Variants in ADAM29 observed in about 807,000 individuals in gnomAD.
ADAM29 encodes disintegrin and metalloproteinase domain-containing protein 29.
For missense variants in ADAM29, 969 were observed against 1,001.8 expected (o/e 0.97, Z 0.44); for synonymous variants, 367 against 342.3 (o/e 1.07, Z -0.80).
intron 4 of ADAM29, among the ~76,000 whole-genome samples, chr4:174,963,143 G>GA (rs989920333): frequency 1.3e-5 from 2 of 151,456 alleles, no homozygotes; most frequent in African/African-American, 2.4e-5. Context: ...ACATAATAAG[G>GA]AAAAAAAATA....
intron 4 of ADAM29, among the ~76,000 whole-genome samples, chr4:174,967,762 A>G (rs1316329813): frequency 3.3e-5 from 5 of 152,132 alleles, no homozygotes; most frequent in East Asian, 1.9e-4. Context: ...AACCGCTTGG[A>G]CTCATTTAAT....
chr4:174,976,028 A>C lies in ADAM29; in HGVS notation c.503A>C (p.Gln168Pro). 1.9e-6 allele frequency: 3 copies of C among 1,612,786 alleles called. No individual in the cohort carries two copies. Among genetic ancestry groups the C allele is most frequent in the Non-Finnish European group, 2.5e-6 (3 of 1,179,724 alleles). ...QFSTMRSGFM[Q>P]NEITCRMEFE... ...TCAACCATGAGATCCGGATTTATGCAAAATGAAATAACATGCCGAATGGAA... is the reference window on the plus strand; with the variant it reads ...TCAACCATGAGATCCGGATTTATGCCAAATGAAATAACATGCCGAATGGAA... Residue 168 changes from glutamine to proline, a missense_variant, in exon 5 of 5, where the codon CAA becomes CCA. Coordinates refer to ENST00000359240, the MANE Select transcript of ADAM29 (RefSeq NM_014269.4).
intron 4 of ADAM29, among the ~76,000 whole-genome samples, chr4:174,969,134 T>C (rs1746326721): frequency 1.3e-5 from 2 of 151,702 alleles, no homozygotes; most frequent in African/African-American, 2.4e-5. Flanking sequence ...ATTAACATCA[T>C]CTTCTTCTTC....
chr4:174,962,929 T>C (rs1579068033), intron 4 of ADAM29, among the ~76,000 whole-genome samples: 1 of 152,158 alleles, frequency 6.6e-6, no homozygotes, highest in Non-Finnish European at 1.5e-5. Context: ...ATTAGAATGC[T>C]CTACCAATGC....
chr4:174,941,987 A>C (rs1029284656), intron 4 of ADAM29, among the ~76,000 whole-genome samples: 1 of 152,248 alleles, frequency 6.6e-6, no homozygotes, highest in Non-Finnish European at 1.5e-5. Flanking sequence ...AAGAGGCTAC[A>C]GGCCCCACGC....
At chr4:174,963,173 G>A (rs1277214107) in intron 4 of ADAM29, among the ~76,000 whole-genome samples, 1 of 152,052 alleles carries the variant, frequency 6.6e-6, no homozygotes, top group Non-Finnish European at 1.5e-5. Context: ...CTAAAAAATA[G>A]ACAGACACAT....
intron 4 of ADAM29, among the ~76,000 whole-genome samples, chr4:174,939,005 C>CT (rs2110964633): frequency 6.6e-6 from 1 of 152,246 alleles, no homozygotes; most frequent in African/African-American, 2.4e-5. Context: ...ACCATGTCTT[C>CT]TCACCTTCTC....
chr4:174,951,123 C>T (rs551151036), intron 4 of ADAM29, among the ~76,000 whole-genome samples: 1 of 152,192 alleles, frequency 6.6e-6, no homozygotes, highest in South Asian at 2.1e-4. Context: ...AACATATGTA[C>T]CTGTGGTGGT....
At chr4:174,923,560 T>TATATATATATATGG (rs70947473) in intron 2 of ADAM29, among the ~76,000 whole-genome samples, 2 of 115,892 alleles carry the variant, frequency 1.7e-5, no homozygotes, top group African/African-American at 3.5e-5. Context: ...TATATATATA[T>TATATATATATATGG]ACACACACAC....
In ADAM29 at chr4:174,977,622, A is replaced by G; in HGVS notation, c.2097A>G (p.Lys699=). 1 of 1,613,944 alleles carries G rather than the reference A, an allele frequency of 6.2e-7. No individual in the cohort carries two copies. The highest frequency in any genetic ancestry group is 8.5e-7 in the Non-Finnish European group (1 of 1,179,982). The change falls in exon 5 of 5, where the codon AAA becomes AAG. Residue 699 remains lysine, a synonymous_variant. Coordinates refer to ENST00000359240, the MANE Select transcript of ADAM29 (RefSeq NM_014269.4). Reference sequence around the variant, plus strand: ...TATGTTGTCTTTATCGACTTTGTAAAAAAAGTAAACCAATAAAAAAGCAGC... The same window carrying G: ...TATGTTGTCTTTATCGACTTTGTAAGAAAAGTAAACCAATAAAAAAGCAGC... ...ILLCCLYRLC[K]KSKPIKKQQD...
chr4:174,954,263 C>T (rs1222988134), intron 4 of ADAM29, among the ~76,000 whole-genome samples: 1 of 152,098 alleles, frequency 6.6e-6, no homozygotes, highest in Non-Finnish European at 1.5e-5. Context: ...CCTCTCATTT[C>T]CTGTATTGTC....
intron 4 of ADAM29, among the ~76,000 whole-genome samples, chr4:174,959,870 T>C (rs1484263440): frequency 6.6e-6 from 1 of 152,006 alleles, no homozygotes; most frequent in Non-Finnish European, 1.5e-5. Flanking sequence ...TGTCAATGTG[T>C]CCTGAAGTAG....
At chr4:174,921,031 T>C (rs1157521888) in intron 2 of ADAM29, among the ~76,000 whole-genome samples, 1 of 152,148 alleles carries the variant, frequency 6.6e-6, no homozygotes, top group Non-Finnish European at 1.5e-5. Flanking sequence ...ACTACATCTT[T>C]GAAGAAGTTC....
chr4:174,968,132 C>A (rs1403776567), intron 4 of ADAM29, among the ~76,000 whole-genome samples: 2 of 152,102 alleles, frequency 1.3e-5, no homozygotes, highest in East Asian at 3.9e-4. Flanking sequence ...TCGTCATGAA[C>A]ACCATGAGCT....
chr4:174,957,281 G>C (rs970574051), intron 4 of ADAM29, among the ~76,000 whole-genome samples: 1 of 151,794 alleles, frequency 6.6e-6, no homozygotes, highest in Non-Finnish European at 1.5e-5. Flanking sequence ...ACTCTGTAAT[G>C]AGCTTAATGC....
Position 174,977,653 on chromosome 4 carries a change from G to C in ADAM29, c.2128G>C (p.Val710Leu). The C allele has an allele frequency of 6.2e-7, 1 of 1,614,222 alleles. No homozygotes were observed. Among genetic ancestry groups the C allele is most frequent in the South Asian group, 1.1e-5 (1 of 91,086 alleles). Residue 710 changes from valine to leucine, a missense_variant, in exon 5 of 5, where the codon GTT becomes CTT. Val to Leu is a conservative substitution (Grantham distance 32, BLOSUM62 1). Transcript: ENST00000359240. ...TAAACCAATAAAAAAGCAGCAAGAT[G>C]TTCAAACTCCATCTGCAAAAGAAGA... ...KSKPIKKQQD[V>L]QTPSAKEEEK...
At chr4:174,939,466 A>G (rs1469799835) in intron 4 of ADAM29, among the ~76,000 whole-genome samples, 1 of 152,152 alleles carries the variant, frequency 6.6e-6, no homozygotes, top group Non-Finnish European at 1.5e-5. Context: ...TTCCCCTTTA[A>G]TATTTCAAGT....
At chr4:174,936,029 A>G (rs548253194) in intron 3 of ADAM29, among the ~76,000 whole-genome samples, 3 of 152,084 alleles carry the variant, frequency 2.0e-5, no homozygotes, top group South Asian at 2.1e-4. Flanking sequence ...GTCAATATTA[A>G]TAAGTACACT....
intron 4 of ADAM29, among the ~76,000 whole-genome samples, chr4:174,968,503 C>G (rs924226058): frequency 6.6e-6 from 1 of 152,118 alleles, no homozygotes; most frequent in Non-Finnish European, 1.5e-5. Flanking sequence ...TACGTAAGCA[C>G]TTTAGACTTG....
Sources: gnomAD v4.1 joint callset for allele counts (sites outside exome capture counted in the v4.1 genomes callset) on GRCh38, gnomAD v4.1.1 for gene constraint, MANE v1.5 for transcripts, NCBI Gene and HGNC (gene_info 2026-07-23, HGNC 2026-07-21) for gene names.